Variants in DPYSL2 observed in about 807,000 individuals in gnomAD.
The protein encoded by DPYSL2 is dihydropyrimidinase like 2.
In DPYSL2, 13 loss-of-function variants were observed where a neutral mutation model predicts 69.9. That is an observed-to-expected ratio of 0.19 (90% CI 0.12 to 0.30). DPYSL2 has a LOEUF of 0.30. Among genes scored for constraint, DPYSL2 ranks in the 10% least tolerant of loss-of-function variants. The pLI is 1.00. For missense variants in DPYSL2, 587 were observed against 918.9 expected, an observed-to-expected ratio of 0.64 and a Z score of 4.67; for synonymous variants, 326 against 359.1, an observed-to-expected ratio of 0.91 and a Z score of 1.04.
intron 1 of DPYSL2, among the ~76,000 whole-genome samples, chr8:26,524,829 A>G (rs995206819): frequency 3.3e-4 from 39 of 118,532 alleles, no homozygotes; most frequent in Admixed American, 4.9e-4. Context: ...AAAAAAAAAA[A>G]AAAAAAAGAG....
At chr8:26,634,659 G>A in intron 7 of DPYSL2, 121 bp from the exon 8 acceptor site, 1 of 1,540,226 alleles carries the variant, frequency 6.5e-7, no homozygotes, top group Non-Finnish European at 8.8e-7. Flanking sequence ...GTCCCCTGGG[G>A]TAGGACCTTG....
rs752978103 is a variant in DPYSL2, at chr8:26,652,223, G to T, written c.1597-34G>T. 2 of 1,580,374 alleles carry T rather than the reference G, an allele frequency of 1.3e-6. No homozygotes were observed. The highest frequency in any genetic ancestry group is 3.5e-5 in the Admixed American group (2 of 57,420). On this transcript the variant is annotated intron_variant, in intron 11 of 13. Transcript: ENST00000521913. The surrounding 1 kb of genome is among the most constrained non-coding windows in gnomAD (Gnocchi z 6.3). ...GGGTGGATTGAGTCCAGCCAGAGTG[G>T]CCTGTTCTAGAGTTTACTTTGCCTT...
chr8:26,514,815 T>G lies in DPYSL2; in HGVS notation c.354+136T>G. ...CCGCATCTGCACGCGCACCCCGCCCTACCCGCCCCTTCTCCGCGCAGGGTG... is the reference window on the plus strand; with the variant it reads ...CCGCATCTGCACGCGCACCCCGCCCGACCCGCCCCTTCTCCGCGCAGGGTG... On this transcript the variant is annotated intron_variant, in intron 1 of 13. Coordinates refer to ENST00000521913, the MANE Select transcript of DPYSL2 (RefSeq NM_001197293.3). The surrounding 1 kb of genome is among the most constrained non-coding windows in gnomAD (Gnocchi z 8.4). 4 of 779,164 alleles carry G rather than the reference T, an allele frequency of 5.1e-6. No individual in the cohort carries two copies. The highest frequency in any genetic ancestry group is 3.4e-5 in the East Asian group (1 of 28,994). The allele number at this position is 779,164 out of a possible 1,614,324, so 48.3% of individuals were successfully genotyped here.
intron 1 of DPYSL2, among the ~76,000 whole-genome samples, chr8:26,569,367 A>AAC: frequency 7.6e-6 from 1 of 131,784 alleles, no homozygotes; most frequent in East Asian, 2.7e-4. Context: ...AAAAAAAACA[A>AAC]AAACAAAAAC....
intron 1 of DPYSL2, among the ~76,000 whole-genome samples, chr8:26,547,421 CT>C (rs1384299913): frequency 6.6e-6 from 1 of 151,930 alleles, no homozygotes; most frequent in Admixed American, 6.6e-5. Context: ...ATGCAGATTC[CT>C]TTTACTCAGT....
chr8:26,559,092 G>A (rs896511206), intron 1 of DPYSL2, among the ~76,000 whole-genome samples: 1 of 152,048 alleles, frequency 6.6e-6, no homozygotes, highest in African/African-American at 2.4e-5. Flanking sequence ...ACAAGCGCAC[G>A]CCACCACGCC....
chr8:26,644,004 G>A lies in DPYSL2; in HGVS notation c.1338G>A (p.Lys446=), dbSNP rs761174966. The A allele has an allele frequency of 2.4e-5, 39 of 1,614,134 alleles. No individual in the cohort carries two copies. The highest frequency in any genetic ancestry group is 6.7e-5 in the East Asian group (3 of 44,888). Residue 446 remains lysine, a synonymous_variant, in exon 10 of 14, where the codon AAG becomes AAA. Transcript: ENST00000521913. This position sits in a 1 kb window ranked among gnomAD's most constrained non-coding sequence, Gnocchi z 4.5. ...ATTGCACGTTTAACACTGCCCAGAAGGCTGTAGGAAAGGACAACTTCACCC... is the reference window on the plus strand; with the variant it reads ...ATTGCACGTTTAACACTGCCCAGAAAGCTGTAGGAAAGGACAACTTCACCC... The part of the protein sequence containing the change: ...SAHCTFNTAQ[K]AVGKDNFTLI...
rs754062386 is a variant in DPYSL2 at position 26,597,902 on chromosome 8, T to C, written c.628+13919T>C. 7.5e-4 allele frequency among the ~76,000 whole-genome samples: 113 copies of C among 151,122 alleles called. No individual in the cohort carries two copies. Among genetic ancestry groups the C allele is most frequent in the Non-Finnish European group, 1.3e-3 (86 of 67,926 alleles). On this transcript the variant is annotated intron_variant, in intron 3 of 13. Transcript: ENST00000521913. This position sits in a 1 kb window ranked among gnomAD's most constrained non-coding sequence, Gnocchi z 5.2. ...AGATAATCCAGGGAGAAACATGAAG[T>C]GTAATGGAAAGAATTTGAGGCCCAA...
chr8:26,651,469 C>G (rs1803278061), intron 11 of DPYSL2, among the ~76,000 whole-genome samples: 1 of 152,176 alleles, frequency 6.6e-6, no homozygotes, highest in Non-Finnish European at 1.5e-5. Context: ...AGCCATTGGT[C>G]CCCGTGAACC....
Position 26,514,878 on chromosome 8 carries a change from C to A in DPYSL2, c.354+199C>A, listed in dbSNP as rs1369262031. Among the ~76,000 whole-genome samples the A allele has an allele frequency of 6.6e-6, 1 of 152,148 alleles. No homozygotes were observed. ...GGCTGGGCGGTGGGCGGCCGTGCGC[C>A]CACAAAGGCTGCCCGCGTCTCCTTG... On this transcript the variant is annotated intron_variant, in intron 1 of 13. Transcript: ENST00000521913. The surrounding 1 kb of genome is among the most constrained non-coding windows in gnomAD (Gnocchi z 8.4).
Position 26,578,392 on chromosome 8 carries a change from GA to G in DPYSL2, c.355-3575del, listed in dbSNP as rs1390846511. 2.2e-5 allele frequency: 35 copies of G among 1,581,542 alleles called. No individual in the cohort carries two copies. In the East Asian group the frequency reaches 5.6e-4, roughly 25 times the overall value. On this transcript the variant is annotated intron_variant, in intron 1 of 13. Transcript: ENST00000521913. ...AAAAGGAGGGGAAAGGAGAGGGACC[GA>G]ACTTTTTTTTTCCTTTCTGTTGCTA... is the stretch of plus-strand genomic sequence containing the variant.
intron 3 of DPYSL2, among the ~76,000 whole-genome samples, chr8:26,603,826 T>TA (rs375697197): frequency 0.013 from 1,912 of 152,360 alleles, 20 homozygotes; most frequent in Non-Finnish European, 0.02. Flanking sequence ...TCCTTTTTTT[T>TA]ATGGATAATA....
rs1228533376 is a variant in DPYSL2, at chr8:26,585,818, C to T, written c.628+1835C>T. ...CAGACAGTCAATAAGCCATTAAAAA[C>T]AATATTTCTCTGGCTGGGCACCATG... On this transcript the variant is annotated intron_variant, in intron 3 of 13. Transcript: ENST00000521913. The surrounding 1 kb of genome is among the most constrained non-coding windows in gnomAD (Gnocchi z 4.0). Among the ~76,000 whole-genome samples the T allele has an allele frequency of 6.6e-6, 1 of 152,160 alleles. No individual in the cohort carries two copies. The highest frequency in any genetic ancestry group is 1.5e-5 in the Non-Finnish European group (1 of 68,024).
chr8:26,556,108 ATATATATACTATATATAT>A (rs1800948557), intron 1 of DPYSL2, among the ~76,000 whole-genome samples: 2 of 24,602 alleles, frequency 8.1e-5, no homozygotes, highest in Non-Finnish European at 1.8e-4. Context: ...TATATATAGT[ATATATATACTATATATAT>A]TATATATACT....
At chr8:26,603,292 C>T (rs1183640761) in intron 3 of DPYSL2, among the ~76,000 whole-genome samples, 1 of 152,140 alleles carries the variant, frequency 6.6e-6, no homozygotes, top group East Asian at 1.9e-4. Flanking sequence ...CCTGCCTCAG[C>T]CTTCTGAGTA....
At chr8:26,555,139 T>C (rs57207591) in intron 1 of DPYSL2, among the ~76,000 whole-genome samples, 4,267 of 152,182 alleles carry the variant, frequency 0.028, 207 homozygotes, top group African/African-American at 0.096. Context: ...TCTGCAAAAA[T>C]GGCTAACATC....
chr8:26,607,753 A>G (rs529085033), intron 3 of DPYSL2, among the ~76,000 whole-genome samples: 31 of 151,784 alleles, frequency 2.0e-4, no homozygotes, highest in Non-Finnish European at 4.4e-4. Flanking sequence ...TCCTGCCACG[A>G]ACTTCACAAA....
Position 26,643,733 on chromosome 8 carries a change from A to G in DPYSL2, c.1283+138A>G, listed in dbSNP as rs972501088. On this transcript the variant is annotated intron_variant, in intron 9 of 13. Transcript: ENST00000521913. This position sits in a 1 kb window ranked among gnomAD's most constrained non-coding sequence, Gnocchi z 6.5. ...TTGTTCACCAAACTAGGTTGGCTAC[A>G]TGAGTACAGGGAATTGTCATTCTAG... is the stretch of plus-strand genomic sequence containing the variant. The G allele has an allele frequency of 9.7e-6, 13 of 1,333,748 alleles. No homozygotes were observed. In the South Asian group the frequency reaches 1.1e-4, roughly 11 times the overall value. 82.6% of individuals were successfully genotyped at this position (1,333,748 alleles called of 1,614,324 possible).
At chr8:26,606,465 G>A (rs1314127370) in intron 3 of DPYSL2, among the ~76,000 whole-genome samples, 1 of 144,422 alleles carries the variant, frequency 6.9e-6, no homozygotes, top group African/African-American at 2.6e-5. Flanking sequence ...AATAATAAAA[G>A]GATAACGAAG....
Sources: gnomAD v4.1 joint callset for allele counts (sites outside exome capture counted in the v4.1 genomes callset) on GRCh38, gnomAD v4.1.1 for gene constraint, Gnocchi (gnomAD v3.1) non-coding constraint, MANE v1.5 for transcripts, NCBI Gene and HGNC (gene_info 2026-07-23, HGNC 2026-07-21) for gene names.